Variants in PPP4R3B observed in about 807,000 individuals in gnomAD.
The protein encoded by PPP4R3B is protein phosphatase 4 regulatory subunit 3B, also known as serine/threonine-protein phosphatase 4 regulatory subunit 3B.
Under a neutral mutation model 95.4 loss-of-function variants are expected in PPP4R3B, and 52 were observed. The observed-to-expected ratio is 0.54, with a 90% CI of 0.44 to 0.69. The LOEUF (loss-of-function observed/expected upper bound fraction) is 0.69, where lower values mean the gene tolerates loss of function less well. Among genes scored for constraint, PPP4R3B ranks in the 30% least tolerant of loss-of-function variants. The pLI is 0.00. For missense variants in PPP4R3B, 1,003 were observed against 1,005.9 expected (o/e 1.00, Z 0.04); for synonymous variants, 407 against 343.9 (o/e 1.18, Z -2.03).
At chr2:55,578,117 A>C (rs1192893628) in intron 10 of PPP4R3B, 130 bp downstream of exon 10, 2 of 950,134 alleles carry the variant, frequency 2.1e-6, no homozygotes, top group African/African-American at 1.7e-5. Context: ...TGGATAAAAA[A>C]TATGCAGAAT....
chr2:55,610,711 T>C (rs1394035577), intron 2 of PPP4R3B, among the ~76,000 whole-genome samples: 1 of 152,346 alleles, frequency 6.6e-6, no homozygotes, highest in East Asian at 1.9e-4. Context: ...GGGCTTTCAG[T>C]GAAGACTGTG....
chr2:55,562,139 C>T lies in PPP4R3B; in HGVS notation c.2260+2174G>A, dbSNP rs548719377. ...GGTTGTTTCAAAGTGTGTGGCACCT[C>T]GGCCGGGCTTGGTGGCTCATGCCTG... On this transcript the variant is annotated intron_variant, in intron 15 of 16. Coordinates refer to ENST00000616407, the MANE Select transcript of PPP4R3B (RefSeq NM_001122964.3). 2.9e-4 allele frequency among the ~76,000 whole-genome samples: 44 copies of T among 152,174 alleles called. 1 individual carries two copies. The South Asian group carries it at 8.7e-3, about 30-fold the overall frequency.
In PPP4R3B at chr2:55,612,017, G is replaced by A. The variant is rs936137523; in HGVS notation, c.198+3434C>T. On this transcript the variant is annotated intron_variant, in intron 2 of 16. Transcript: ENST00000616407. The stretch of plus-strand genomic sequence containing the variant: ...CAAAGTGCTGAGATTGCAGGTGTGA[G>A]CCACCATGCCTGCCATAGTCAACAT... Among the ~76,000 whole-genome samples, 35 of 152,106 alleles carry A rather than the reference G, an allele frequency of 2.3e-4. 1 individual carries two copies. Among genetic ancestry groups the A allele is most frequent in the African/African-American group, 8.5e-4 (35 of 41,404 alleles).
intron 12 of PPP4R3B, 49 bp downstream of exon 12, chr2:55,573,568 TCA>T: frequency 1.4e-6 from 2 of 1,471,274 alleles, no homozygotes; most frequent in Non-Finnish European, 1.8e-6. Flanking sequence ...ATGGGTAACT[TCA>T]GTTTTATCTC....
chr2:55,603,142 G>A (rs1367857573), intron 3 of PPP4R3B, among the ~76,000 whole-genome samples: 1 of 152,098 alleles, frequency 6.6e-6, no homozygotes, highest in Non-Finnish European at 1.5e-5. Context: ...GAGTAGAGAT[G>A]AGGTTCCACC....
At chr2:55,589,077 T>A in intron 4 of PPP4R3B, 121 bp from the exon 5 acceptor site, 1 of 616,054 alleles carries the variant, frequency 1.6e-6, no homozygotes. Flanking sequence ...TGAAACCTAA[T>A]ATTCTGGGGT....
At chr2:55,597,213 A>G (rs1237877436) in intron 4 of PPP4R3B, among the ~76,000 whole-genome samples, 1 of 151,704 alleles carries the variant, frequency 6.6e-6, no homozygotes, top group Non-Finnish European at 1.5e-5. Flanking sequence ...CTGGCCGGGC[A>G]CAGTGACTCA....
intron 2 of PPP4R3B, among the ~76,000 whole-genome samples, chr2:55,609,312 G>C (rs1472214856): frequency 6.6e-6 from 1 of 152,032 alleles, no homozygotes; most frequent in East Asian, 1.9e-4. Context: ...GGCATGCTAG[G>C]CCTTTTATGA....
At chr2:55,567,278 A>C (rs1687433524) in intron 13 of PPP4R3B, among the ~76,000 whole-genome samples, 3 of 152,230 alleles carry the variant, frequency 2.0e-5, no homozygotes, top group African/African-American at 7.2e-5. Context: ...TGAATAGGTC[A>C]CTTAATAACT....
chr2:55,594,311 A>T (rs1216413083), intron 4 of PPP4R3B, among the ~76,000 whole-genome samples: 10 of 152,112 alleles, frequency 6.6e-5, no homozygotes, highest in African/African-American at 1.7e-4. Context: ...ATAAAAAAAA[A>T]AAAAAAAAAA....
intron 16 of PPP4R3B, among the ~76,000 whole-genome samples, chr2:55,552,841 G>A (rs1685401060): frequency 6.6e-6 from 1 of 152,166 alleles, no homozygotes; most frequent in African/African-American, 2.4e-5. Flanking sequence ...GAAATCAGAG[G>A]CAAGGCAAGT....
rs776708290 is a variant in PPP4R3B, at chr2:55,565,058, T to C, written c.1936-17A>G. On this transcript the variant is annotated splice_polypyrimidine_tract_variant and intron_variant, in intron 13 of 16. Transcript: ENST00000616407. Reference sequence around the variant, plus strand: ...GATATCTTCCTGTATAAGCACAAAATTTACATTTAAAATATAATACAATGC... The same window carrying C: ...GATATCTTCCTGTATAAGCACAAAACTTACATTTAAAATATAATACAATGC... 6 of 1,538,590 alleles carry C rather than the reference T, an allele frequency of 3.9e-6. No homozygotes were observed. Among genetic ancestry groups the C allele is most frequent in the Non-Finnish European group, 1.7e-6 (2 of 1,143,268 alleles).
intron 3 of PPP4R3B, among the ~76,000 whole-genome samples, chr2:55,603,004 G>C (rs1453642941): frequency 6.6e-6 from 1 of 151,484 alleles, no homozygotes; most frequent in Admixed American, 6.6e-5. Flanking sequence ...ACCCAGACTG[G>C]AGTGTAGTGG....
chr2:55,577,906 G>A (rs1440371308), intron 10 of PPP4R3B, among the ~76,000 whole-genome samples: 1 of 151,906 alleles, frequency 6.6e-6, no homozygotes, highest in African/African-American at 2.4e-5. Flanking sequence ...TGTGCACAGG[G>A]AAACACAAGA....
At position 55,564,399 on chromosome 2, in the gene PPP4R3B, C is replaced by G. The variant is rs1292269390; in HGVS notation, c.2174G>C (p.Gly725Ala). The change falls in exon 15 of 17, where the codon GGA (glycine) becomes GCA (alanine). Residue 725 changes from glycine to alanine, a missense_variant. Transcript: ENST00000616407. ...MWFNEDEEEE[G>A]KAVVAPVEKP... is the part of the protein sequence containing the mutation. ...TTCCACTGGTGCCACAACTGCTTTT[C>G]CTTCCTCTTCTTCATCTTCATTAAA... 1.2e-6 allele frequency: 2 copies of G among 1,613,918 alleles called. No individual in the cohort carries two copies. Among genetic ancestry groups the G allele is most frequent in the Non-Finnish European group, 1.7e-6 (2 of 1,179,912 alleles).
At chr2:55,607,050 T>A (rs1693513008) in intron 2 of PPP4R3B, among the ~76,000 whole-genome samples, 1 of 152,080 alleles carries the variant, frequency 6.6e-6, no homozygotes, top group Non-Finnish European at 1.5e-5. Flanking sequence ...GTTAGGATAG[T>A]TTAAGTTACA....
At chr2:55,577,290 T>C (rs1688812590) in intron 11 of PPP4R3B, 25 bp downstream of exon 11, 2 of 1,546,264 alleles carry the variant, frequency 1.3e-6, no homozygotes, top group Non-Finnish European at 1.7e-6. Flanking sequence ...TTGCATGTAT[T>C]CATAAAGTAT....
At chr2:55,558,691 G>C in intron 16 of PPP4R3B, 84 bp downstream of exon 16, 2 of 1,034,714 alleles carry the variant, frequency 1.9e-6, no homozygotes, top group Non-Finnish European at 2.8e-6. Context: ...AAATTGTTTT[G>C]ATTATCCAAA....
rs1558986613 is a variant in PPP4R3B, at chr2:55,578,345, G to GA, written c.1469-4dup. ...TCTGTAATGTTTTAAAAAAAAATCT[G>GA]AAAAAAAATATGGCAAGTTAGTTTT... On this transcript the variant is annotated splice_region_variant and splice_polypyrimidine_tract_variant and intron_variant, in intron 9 of 16. Coordinates refer to ENST00000616407, the MANE Select transcript of PPP4R3B (RefSeq NM_001122964.3). 7.1e-5 allele frequency: 98 copies of GA among 1,375,186 alleles called. No homozygotes were observed. Among genetic ancestry groups the GA allele is most frequent in the South Asian group, 5.5e-4 (26 of 47,600 alleles). The allele number at this position is 1,375,186 out of a possible 1,614,324, so 85.2% of individuals were successfully genotyped here. A position where few individuals can be genotyped will look rare whatever the true frequency, so the allele number is the denominator to read the frequency against.
Sources: allele counts gnomAD v4.1 joint callset (sites outside exome capture counted in the v4.1 genomes callset), GRCh38; gene constraint gnomAD v4.1.1; transcripts MANE v1.5; gene names NCBI Gene and HGNC (gene_info 2026-07-23, HGNC 2026-07-21).